SMARCA2: variants seen among roughly 807,000 people sequenced by gnomAD.
SMARCA2 encodes SWI/SNF related BAF chromatin remodeling complex subunit ATPase 2.
In SMARCA2, 61 loss-of-function variants were observed where a neutral mutation model predicts 199.8. The ratio of observed to expected loss-of-function variants is 0.31; its 90% CI spans 0.25 to 0.38. The LOEUF is 0.38. Among genes scored for constraint, SMARCA2 ranks in the 10% least tolerant of loss-of-function variants. The pLI, the probability that SMARCA2 is intolerant of heterozygous loss-of-function variation, is 1.00. For synonymous variants in SMARCA2, 935 were observed against 732.0 expected (o/e 1.28, Z -4.48); for missense variants, 1,344 against 2,012.2 (o/e 0.67, Z 6.35).
chr9:2,073,474 T>C (rs1821176696), intron 11 of SMARCA2, 92 bp from the exon 12 acceptor site: 1 of 1,468,914 alleles, frequency 6.8e-7, no homozygotes, highest in South Asian at 1.2e-5. Flanking sequence ...TTGTCTTTTA[T>C]ACATAGAATG....
At chr9:2,136,684 C>T (rs1392021953) in intron 27 of SMARCA2, among the ~76,000 whole-genome samples, 1 of 152,008 alleles carries the variant, frequency 6.6e-6, no homozygotes, top group South Asian at 2.1e-4. Context: ...AATTAGGAGC[C>T]AGGTTTGAGA....
chr9:2,047,496 CG>C lies in SMARCA2; in HGVS notation c.1046+13del. 7.1e-7 allele frequency: 1 copy of C among 1,413,870 alleles called. No homozygotes were observed. Among genetic ancestry groups the C allele is most frequent in the Admixed American group, 2.6e-5 (1 of 38,086 alleles). The allele number at this position is 1,413,870 out of a possible 1,614,324, so 87.6% of individuals were successfully genotyped here. On this transcript the variant is annotated intron_variant, in intron 5 of 33. Transcript: ENST00000349721. ...GAGCGGGAATACAGGTAACGCACCC[CG>C]CCAGCAAGGGGCCCCCTGCGGTGTG... is the stretch of plus-strand genomic sequence containing the variant.
chr9:2,158,981 C>T (rs1825521942), intron 27 of SMARCA2: 1 of 1,612,040 alleles, frequency 6.2e-7, no homozygotes, highest in Non-Finnish European at 8.5e-7. Flanking sequence ...GAATAATGGT[C>T]AGTACTTTGT....
rs917407831 is a variant in SMARCA2 at position 2,101,630 on chromosome 9, T to G, written c.3125+14T>G. 1.4e-6 allele frequency: 2 copies of G among 1,445,486 alleles called. No individual in the cohort carries two copies. Among genetic ancestry groups the G allele is most frequent in the African/African-American group, 2.8e-5 (2 of 70,496 alleles). 89.5% of individuals were successfully genotyped at this position (1,445,486 alleles called of 1,614,324 possible). ...GGTCATCAATGGGTAAATCTCAAAT[T>G]TTTTTTTCTTTTAAAAAAAAATGTT... On this transcript the variant is annotated intron_variant, in intron 22 of 33. Transcript: ENST00000349721.
chr9:2,028,824 C>T (rs1209074147), intron 1 of SMARCA2, among the ~76,000 whole-genome samples, 163 bp from the exon 2 acceptor site: 1 of 152,172 alleles, frequency 6.6e-6, no homozygotes, highest in Non-Finnish European at 1.5e-5. Context: ...AAGACTAGGG[C>T]AGACGGATGT....
At chr9:2,099,290 T>A (rs1822404854) in intron 21 of SMARCA2, among the ~76,000 whole-genome samples, 1 of 152,230 alleles carries the variant, frequency 6.6e-6, no homozygotes, top group South Asian at 2.1e-4. Context: ...TTTCTTAGTC[T>A]AACCTGTTAC....
Position 2,119,600 on chromosome 9 carries a change from A to C in SMARCA2, c.3762+65A>C, listed in dbSNP as rs915985805. The C allele has an allele frequency of 2.7e-6, 3 of 1,119,914 alleles. No individual in the cohort carries two copies. In the African/African-American group the frequency reaches 4.6e-5, roughly 17 times the overall value. 69.4% of individuals were successfully genotyped at this position (1,119,914 alleles called of 1,614,324 possible). A position where few individuals can be genotyped will look rare whatever the true frequency, so the allele number is the denominator to read the frequency against. ...CTCTGCCCCTTTTTCTGTTAAGCAG[A>C]ATGTCTGCAGCCTGCGTGCCTGGCA... On this transcript the variant is annotated intron_variant, in intron 26 of 33. Transcript: ENST00000349721. The surrounding 1 kb of genome is among the most constrained non-coding windows in gnomAD (Gnocchi z 4.6).
intron 8 of SMARCA2, among the ~76,000 whole-genome samples, chr9:2,059,502 C>G (rs998753388): frequency 1.3e-5 from 2 of 152,110 alleles, no homozygotes; most frequent in African/African-American, 4.8e-5. Flanking sequence ...ACTAAGCAGT[C>G]AAATTTGTCT....
chr9:2,166,212 T>C (rs1825924174), intron 28 of SMARCA2, among the ~76,000 whole-genome samples: 1 of 152,174 alleles, frequency 6.6e-6, no homozygotes, highest in South Asian at 2.1e-4. Context: ...GCCTAGACAT[T>C]GGCCACATTC....
In SMARCA2 at chr9:2,114,637, A is replaced by T. The variant is rs542091711; in HGVS notation, c.3457-1185A>T. Among the ~76,000 whole-genome samples, 4 of 152,208 alleles carry T rather than the reference A, an allele frequency of 2.6e-5. No homozygotes were observed. The South Asian group carries it at 8.3e-4, about 32-fold the overall frequency. ...CAATGAATAAAAGCCACATGCCAAG[A>T]AGTTTTTATTACGTAGCTATAAAAT... On this transcript the variant is annotated intron_variant, in intron 24 of 33. Transcript: ENST00000349721.
chr9:2,085,469 T>C (rs1245486573), intron 17 of SMARCA2, among the ~76,000 whole-genome samples: 7 of 152,204 alleles, frequency 4.6e-5, no homozygotes, highest in Admixed American at 4.6e-4. Flanking sequence ...CTCTGATTCT[T>C]TATTATTTCA....
At chr9:2,066,754 A>C (rs1820852559) in intron 9 of SMARCA2, among the ~76,000 whole-genome samples, 2 of 152,226 alleles carry the variant, frequency 1.3e-5, no homozygotes, top group African/African-American at 4.8e-5. Flanking sequence ...TCTGCAATTA[A>C]ACGATGCAGA....
chr9:2,039,991 G>A lies in SMARCA2; in HGVS notation c.790+91G>A. The A allele has an allele frequency of 6.4e-7, 1 of 1,558,580 alleles. No homozygotes were observed. The highest frequency in any genetic ancestry group is 8.6e-7 in the Non-Finnish European group (1 of 1,156,112). On this transcript the variant is annotated intron_variant, in intron 4 of 33. Coordinates refer to ENST00000349721, the MANE Select transcript of SMARCA2 (RefSeq NM_003070.5). The surrounding 1 kb of genome is among the most constrained non-coding windows in gnomAD (Gnocchi z 4.8). ...AAAACACCGGGTTGTTAAAAGCCCG[G>A]GGCTGACGTAGCCTTTTGTTATACC...
In SMARCA2 at chr9:2,016,674, TA is replaced by T. The variant is rs1442723513; in HGVS notation, c.-37+1271del. ...GGGAAGGGCTGCGGTGGGGAGGGAA[TA>T]GGGGGGTGGCGAGGGCGGGAGGCGG... On this transcript the variant is annotated intron_variant, in intron 1 of 33. Coordinates refer to ENST00000349721, the MANE Select transcript of SMARCA2 (RefSeq NM_003070.5). The surrounding 1 kb of genome is among the most constrained non-coding windows in gnomAD (Gnocchi z 5.6). Among the ~76,000 whole-genome samples the T allele has an allele frequency of 2.2e-5, 1 of 44,758 alleles. No homozygotes were observed. Among genetic ancestry groups the T allele is most frequent in the African/African-American group, 8.7e-5 (1 of 11,444 alleles). The allele number at this position is 44,758 out of a possible 152,430, so 29.4% of individuals were successfully genotyped here.
intron 9 of SMARCA2, among the ~76,000 whole-genome samples, chr9:2,065,257 A>G (rs1045563576): frequency 6.6e-6 from 1 of 152,162 alleles, no homozygotes; most frequent in African/African-American, 2.4e-5. Flanking sequence ...TAAATATTTA[A>G]TTCTCCCTTC....
chr9:2,069,923 TC>T (rs1156244378), intron 9 of SMARCA2, among the ~76,000 whole-genome samples: 2 of 152,218 alleles, frequency 1.3e-5, no homozygotes, highest in Non-Finnish European at 2.9e-5. Flanking sequence ...GTTTTTCAGC[TC>T]TTGCCCCACT....
At chr9:2,154,750 A>G (rs1479485964) in intron 27 of SMARCA2, among the ~76,000 whole-genome samples, 5 of 152,206 alleles carry the variant, frequency 3.3e-5, no homozygotes, top group African/African-American at 4.8e-5. Flanking sequence ...GTTGTATTTT[A>G]TCTGTCTTAA....
intron 25 of SMARCA2, among the ~76,000 whole-genome samples, chr9:2,116,442 C>T (rs541949034): frequency 6.8e-6 from 1 of 146,380 alleles, no homozygotes; most frequent in South Asian, 2.1e-4. Flanking sequence ...CCAGAGCCCT[C>T]TCTCTCTTTT....
chr9:2,061,503 T>C (rs1005817246), intron 9 of SMARCA2, among the ~76,000 whole-genome samples: 1 of 152,116 alleles, frequency 6.6e-6, no homozygotes, highest in Admixed American at 6.6e-5. Flanking sequence ...TTTTAGGTAA[T>C]TACATAAAAA....
Sources: gnomAD v4.1 joint callset for allele counts (sites outside exome capture counted in the v4.1 genomes callset) on GRCh38, gnomAD v4.1.1 for gene constraint, Gnocchi (gnomAD v3.1) non-coding constraint, MANE v1.5 for transcripts, NCBI Gene and HGNC (gene_info 2026-07-23, HGNC 2026-07-21) for gene names.